The following LINGO2 variants were observed in gnomAD, a reference collection of about 807,000 sequenced individuals.
The protein encoded by LINGO2 is leucine rich repeat and Ig domain containing 2.
Under a neutral mutation model 30.6 loss-of-function variants are expected in LINGO2, and 14 were observed. The ratio of observed to expected loss-of-function variants is 0.46; its 90% CI spans 0.30 to 0.72. The LOEUF (loss-of-function observed/expected upper bound fraction) is 0.72, where lower values mean the gene tolerates loss of function less well. Among genes scored for constraint, LINGO2 ranks in the 30% least tolerant of loss-of-function variants. The pLI is 0.07. For synonymous variants in LINGO2, 317 were observed against 288.5 expected (o/e 1.10, Z -1.00); for missense variants, 729 against 751.7 (o/e 0.97, Z 0.35).
the LINGO2 span, among the ~76,000 whole-genome samples, chr9:29,174,411 C>G: frequency 6.6e-6 from 1 of 152,184 alleles, no homozygotes; most frequent in Non-Finnish European, 1.5e-5. Flanking sequence ...TATACTTGGT[C>G]TGACTGTTCT....
intron 1 of LINGO2, among the ~76,000 whole-genome samples, chr9:28,556,806 T>C (rs1196521930): frequency 1.3e-5 from 2 of 151,812 alleles, no homozygotes; most frequent in Non-Finnish European, 1.5e-5. Flanking sequence ...GAGATATAGA[T>C]CAATGGAACA....
chr9:28,253,089 T>C (rs1438642861), intron 4 of LINGO2, among the ~76,000 whole-genome samples: 1 of 151,350 alleles, frequency 6.6e-6, no homozygotes, highest in Non-Finnish European at 1.5e-5. Flanking sequence ...AAAAAAAAAA[T>C]ATTATTTTCT....
chr9:28,048,584 GTAAT>G (rs1159884916), intron 4 of LINGO2, among the ~76,000 whole-genome samples: 1 of 150,692 alleles, frequency 6.6e-6, no homozygotes, highest in Non-Finnish European at 1.5e-5. Flanking sequence ...CTTTTGGACA[GTAAT>G]TAAGCATAAT....
the LINGO2 span, among the ~76,000 whole-genome samples, chr9:28,729,562 A>C: frequency 6.6e-6 from 1 of 152,214 alleles, no homozygotes; most frequent in East Asian, 1.9e-4. Context: ...CATTCCAAGA[A>C]CAAGTAACAA....
At chr9:28,693,165 G>A in the LINGO2 span, among the ~76,000 whole-genome samples, 4 of 152,078 alleles carry the variant, frequency 2.6e-5, no homozygotes, top group South Asian at 2.1e-4. Context: ...TAATCCAAGC[G>A]TCAACGTTGT....
At chr9:28,320,686 C>T (rs181617120) in intron 3 of LINGO2, among the ~76,000 whole-genome samples, 64 of 152,132 alleles carry the variant, frequency 4.2e-4, no homozygotes, top group African/African-American at 1.5e-3. Flanking sequence ...GGAGCCAGAT[C>T]GCTCTCTATG....
chr9:29,144,807 C>G, the LINGO2 span, among the ~76,000 whole-genome samples: 1 of 151,934 alleles, frequency 6.6e-6, no homozygotes, highest in African/African-American at 2.4e-5. Flanking sequence ...ACTCTACCAC[C>G]AAGATACTAC....
At chr9:28,964,077 C>A in the LINGO2 span, among the ~76,000 whole-genome samples, 8 of 151,722 alleles carry the variant, frequency 5.3e-5, no homozygotes, top group Admixed American at 2.0e-4. Flanking sequence ...GTACACACAT[C>A]CCCTCTACAT....
At chr9:28,954,153 T>C in the LINGO2 span, among the ~76,000 whole-genome samples, 1 of 152,188 alleles carries the variant, frequency 6.6e-6, no homozygotes, top group Non-Finnish European at 1.5e-5. Context: ...TTGCTTTCCT[T>C]GAAGTTACAA....
At chr9:29,082,510 C>T in the LINGO2 span, among the ~76,000 whole-genome samples, 3 of 152,134 alleles carry the variant, frequency 2.0e-5, no homozygotes, top group East Asian at 5.8e-4. Flanking sequence ...CCATTCAGGA[C>T]ATAGGCATGG....
At chr9:28,030,326 A>G (rs1198312451) in intron 4 of LINGO2, among the ~76,000 whole-genome samples, 3 of 152,206 alleles carry the variant, frequency 2.0e-5, no homozygotes, top group Non-Finnish European at 2.9e-5. Context: ...TCATGTCAAT[A>G]TATTTTATCA....
intron 3 of LINGO2, among the ~76,000 whole-genome samples, chr9:28,349,654 C>T (rs1322448329): frequency 2.9e-5 from 4 of 138,874 alleles, no homozygotes; most frequent in African/African-American, 8.1e-5. Flanking sequence ...GAGAACGCCA[C>T]AAAGATACTC....
At chr9:28,797,877 G>A in the LINGO2 span, among the ~76,000 whole-genome samples, 1 of 152,026 alleles carries the variant, frequency 6.6e-6, no homozygotes, top group African/African-American at 2.4e-5. Flanking sequence ...TATTTTAGGG[G>A]ATATGAAGTG....
At chr9:29,029,058 C>T in the LINGO2 span, among the ~76,000 whole-genome samples, 2 of 152,046 alleles carry the variant, frequency 1.3e-5, no homozygotes, top group Non-Finnish European at 2.9e-5. Context: ...ACTGGAGGCA[C>T]TCAAGCTTCA....
chr9:28,632,884 A>ATAATATATATATATATATAT (rs1827066323), intron 1 of LINGO2, among the ~76,000 whole-genome samples: 1 of 80,022 alleles, frequency 1.2e-5, no homozygotes, highest in African/African-American at 6.1e-5. Flanking sequence ...ATATATGTAG[A>ATAATATATATATATATATAT]GAGAGAGAGA....
chr9:28,368,691 A>G (rs1013761849), intron 3 of LINGO2, among the ~76,000 whole-genome samples: 6 of 149,260 alleles, frequency 4.0e-5, no homozygotes, highest in South Asian at 2.1e-4. Flanking sequence ...CCCCCTCCCG[A>G]GTTCACACCA....
chr9:28,348,717 C>T (rs1223815065), intron 3 of LINGO2, among the ~76,000 whole-genome samples: 1 of 151,788 alleles, frequency 6.6e-6, no homozygotes, highest in Non-Finnish European at 1.5e-5. Flanking sequence ...AACAAAAAGA[C>T]AGCAGTAACC....
chr9:29,096,833 C>T, the LINGO2 span, among the ~76,000 whole-genome samples: 1 of 139,806 alleles, frequency 7.2e-6, no homozygotes, highest in Non-Finnish European at 1.6e-5. Context: ...TTCTTCCTTT[C>T]ATATTCACCA....
intron 4 of LINGO2, among the ~76,000 whole-genome samples, chr9:28,192,254 T>TTA (rs1020170204): frequency 2.6e-5 from 4 of 152,096 alleles, no homozygotes; most frequent in African/African-American, 9.7e-5. Context: ...TATATACATG[T>TTA]TATATATATA....
Sources: allele counts gnomAD v4.1 joint callset (sites outside exome capture counted in the v4.1 genomes callset), GRCh38; gene constraint gnomAD v4.1.1; transcripts MANE v1.5; gene names NCBI Gene and HGNC (gene_info 2026-07-23, HGNC 2026-07-21).